The following ZNF780A variants were observed in gnomAD, a reference collection of about 807,000 sequenced individuals.
ZNF780A encodes the protein zinc finger protein 780A.
Under a neutral mutation model 56.7 loss-of-function variants are expected in ZNF780A, and 40 were observed. The ratio of observed to expected loss-of-function variants is 0.71; its 90% CI spans 0.55 to 0.92. The LOEUF is 0.92. ZNF780A is among the 40% of genes least tolerant of loss of function. The pLI is 0.00. For synonymous variants in ZNF780A, 231 were observed against 248.3 expected (o/e 0.93, Z 0.66); for missense variants, 672 against 783.3 (o/e 0.86, Z 1.70).
chr19:40,072,729 A>G (rs903792604), downstream of ZNF780A: 1 of 1,286,990 alleles, frequency 7.8e-7, no homozygotes, highest in African/African-American at 1.5e-5. Context: ...TCTGGTTGGT[A>G]TCACAATCAC....
intron 5 of ZNF780A, among the ~76,000 whole-genome samples, chr19:40,078,159 A>G (rs1974262673): frequency 6.6e-6 from 1 of 152,020 alleles, no homozygotes; most frequent in South Asian, 2.1e-4. Context: ...AAAATATAAA[A>G]TACATTCAAA....
At chr19:40,072,848 C>T (rs1028748972), downstream of ZNF780A, 8 of 1,528,922 alleles carry the variant, frequency 5.2e-6, no homozygotes, top group Admixed American at 6.6e-5. Context: ...AAAATTTGAG[C>T]GCCTACATTC....
downstream of ZNF780A, chr19:40,069,931 T>C (rs963232290): frequency 2.0e-5 from 3 of 152,048 alleles, no homozygotes; most frequent in African/African-American, 4.8e-5. Context: ...ATGGGAAAAA[T>C]GTATCCATAT....
downstream of ZNF780A, chr19:40,072,844 T>A (rs1487789038): frequency 2.0e-6 from 3 of 1,529,458 alleles, no homozygotes; most frequent in Non-Finnish European, 2.6e-6. Context: ...TACCAAAATT[T>A]GAGCGCCTAC....
At chr19:40,090,397 A>T (rs1384130587) in intron 1 of ZNF780A, 162 bp from the exon 2 acceptor site, 1 of 152,194 alleles carries the variant, frequency 6.6e-6, no homozygotes, top group African/African-American at 2.4e-5. Flanking sequence ...ACCAGTTTGG[A>T]GCTGGTTTCT....
intron 5 of ZNF780A, among the ~76,000 whole-genome samples, chr19:40,079,806 C>T (rs1974369995): frequency 6.6e-6 from 1 of 152,028 alleles, no homozygotes; most frequent in East Asian, 1.9e-4. Context: ...TACAACATAC[C>T]AAAACCTATG....
chr19:40,084,629 G>C, intron 3 of ZNF780A, 116 bp downstream of exon 3: 1 of 1,077,472 alleles, frequency 9.3e-7, no homozygotes, highest in Non-Finnish European at 1.3e-6. Flanking sequence ...ACTGTAATGG[G>C]ACAAACTGGG....
rs553924130 is a variant in ZNF780A at position 40,074,640 on chromosome 19, A to G, written c.1802T>C (p.Ile601Thr). ...ACCAGTATGCAATTTCTGATGTCGAATAAGTTGCATATGAAGTCGAAAGGC... is the reference window on the plus strand; with the variant it reads ...ACCAGTATGCAATTTCTGATGTCGAGTAAGTTGCATATGAAGTCGAAAGGC... ...GKAFRLHMQL[I>T]RHQKLHTGEK... The change falls in exon 6 of 6, where the codon ATT becomes ACT. Residue 601 changes from isoleucine (I) to threonine (T), a missense_variant. Coordinates refer to ENST00000683561, the MANE Select transcript of ZNF780A (RefSeq NM_001142578.2). The G allele has an allele frequency of 3.6e-5, 58 of 1,613,466 alleles. No homozygotes were observed. The East Asian group carries it at 1.2e-3, about 33-fold the overall frequency.
chr19:40,076,178 T>C lies in ZNF780A; in HGVS notation c.264A>G (p.Val88=), dbSNP rs558310298. 1.9e-6 allele frequency: 3 copies of C among 1,573,334 alleles called. No homozygotes were observed. The African/African-American group carries it at 4.1e-5, about 22-fold the overall frequency. The change falls in exon 6 of 6, where the codon GTA becomes GTG. Residue 88 remains valine (V), a synonymous_variant. Coordinates refer to ENST00000683561, the MANE Select transcript of ZNF780A (RefSeq NM_001142578.2). ...CTTCAGAGGTATCATTTTCTGGAGA[T>C]ACTTTCTCAGGTCCATATTTTAACT... is the stretch of plus-strand genomic sequence containing the variant. ...DLELKYGPEK[V]SPENDTSEVN... is the part of the protein sequence containing the mutation.
rs1599862471 is a variant in ZNF780A, at chr19:40,090,921, A to C, written c.-131T>G. 6.6e-6 allele frequency: 1 copy of C among 152,004 alleles called. No homozygotes were observed. The highest frequency in any genetic ancestry group is 1.9e-4 in the East Asian group (1 of 5,162). The allele number at this position is 152,004 out of a possible 1,614,324, so 9.4% of individuals were successfully genotyped here. On this transcript the variant is annotated 5_prime_UTR_variant, in exon 1 of 6. Coordinates refer to ENST00000683561, the MANE Select transcript of ZNF780A (RefSeq NM_001142578.2). ...AAGACCTTACCCCGCTATGTCGTCG[A>C]CCCCGGAGACCGGAAGTGGACTGGC...
intron 2 of ZNF780A, among the ~76,000 whole-genome samples, chr19:40,089,850 G>A (rs1428959849): frequency 6.6e-6 from 1 of 152,128 alleles, no homozygotes; most frequent in African/African-American, 2.4e-5. Flanking sequence ...TTGAAAAGGA[G>A]GTCTGTAAAG....
In ZNF780A at chr19:40,074,650, T is replaced by A; in HGVS notation, c.1792A>T (p.Met598Leu). 2 of 1,613,478 alleles carry A rather than the reference T, an allele frequency of 1.2e-6. No homozygotes were observed. Among genetic ancestry groups the A allele is most frequent in the Non-Finnish European group, 1.7e-6 (2 of 1,179,696 alleles). Reference protein sequence around the residue: ...KECGKAFRLHMQLIRHQKLHT... With the variant: ...KECGKAFRLHLQLIRHQKLHT... ...AATTTCTGATGTCGAATAAGTTGCATATGAAGTCGAAAGGCTTTCCCACAC... is the reference window on the plus strand; with the variant it reads ...AATTTCTGATGTCGAATAAGTTGCAAATGAAGTCGAAAGGCTTTCCCACAC... Residue 598 changes from methionine to leucine, a missense_variant, in exon 6 of 6, where the codon ATG becomes TTG. Transcript: ENST00000683561.
In ZNF780A at chr19:40,076,103, A is replaced by G; in HGVS notation, c.339T>C (p.Ile113=). 2 of 1,613,836 alleles carry G rather than the reference A, an allele frequency of 1.2e-6. No homozygotes were observed. Among genetic ancestry groups the G allele is most frequent in the Non-Finnish European group, 8.5e-7 (1 of 1,179,938 alleles). ...AGTCATTTCTAAAATAAAAGGCCTC[A>G]ATGCCAAGAGTTGTACTTATTTGCT... ...VIKQISTTLG[I]EAFYFRNDSE... is the part of the protein sequence containing the mutation. Residue 113 remains isoleucine (I), a synonymous_variant, in exon 6 of 6, where the codon ATT becomes ATC. Transcript: ENST00000683561.
At chr19:40,088,345 A>G (rs536702909) in intron 2 of ZNF780A, among the ~76,000 whole-genome samples, 26 of 152,230 alleles carry the variant, frequency 1.7e-4, no homozygotes, top group Non-Finnish European at 3.5e-4. Context: ...AAAGATGGGC[A>G]AAGGACCTGA....
At chr19:40,086,526 CTA>C (rs1265736872) in intron 2 of ZNF780A, among the ~76,000 whole-genome samples, 3 of 150,848 alleles carry the variant, frequency 2.0e-5, no homozygotes, top group African/African-American at 7.5e-5. Context: ...CATTTGCAAA[CTA>C]TGTGAGAAAA....
At chr19:40,085,972 G>A (rs550909052) in intron 2 of ZNF780A, among the ~76,000 whole-genome samples, 2 of 149,820 alleles carry the variant, frequency 1.3e-5, no homozygotes, top group East Asian at 3.9e-4. Context: ...ATATGTGTGT[G>A]TGTATATATA....
intron 2 of ZNF780A, 102 bp from the exon 3 acceptor site, chr19:40,084,900 A>G: frequency 7.4e-7 from 1 of 1,352,792 alleles, no homozygotes; most frequent in Non-Finnish European, 1.0e-6. Flanking sequence ...TCCTGCTAAC[A>G]CGCACACTTC....
chr19:40,081,566 A>T (rs1337242945), intron 5 of ZNF780A, among the ~76,000 whole-genome samples: 1 of 152,056 alleles, frequency 6.6e-6, no homozygotes. Flanking sequence ...TGGGAAAAAA[A>T]GAGGGAACTT....
At chr19:40,089,459 A>G (rs754221583) in intron 2 of ZNF780A, 7 of 490,456 alleles carry the variant, frequency 1.4e-5, no homozygotes, top group African/African-American at 3.9e-5. Flanking sequence ...TACACAAAAA[A>G]CAACAGTTAA....
Sources: gnomAD v4.1 joint callset for allele counts (sites outside exome capture counted in the v4.1 genomes callset) on GRCh38, gnomAD v4.1.1 for gene constraint, MANE v1.5 for transcripts, NCBI Gene and HGNC (gene_info 2026-07-23, HGNC 2026-07-21) for gene names.